GSG1L: variants seen among roughly 807,000 people sequenced by gnomAD.
The protein encoded by GSG1L is germ cell-specific gene 1-like protein.
Under a neutral mutation model 42.1 loss-of-function variants are expected in GSG1L, and 24 were observed. That is an observed-to-expected ratio of 0.57 (90% CI 0.41 to 0.80). GSG1L has a LOEUF of 0.80. Among genes scored for constraint, GSG1L ranks in the 30% least tolerant of loss-of-function variants. GSG1L has a pLI of 0.00. For synonymous variants in GSG1L, 215 were observed against 203.5 expected (o/e 1.06, Z -0.48); for missense variants, 445 against 472.2 (o/e 0.94, Z 0.53).
chr16:27,947,091 T>C (rs1276370579), intron 2 of GSG1L, among the ~76,000 whole-genome samples: 1 of 152,192 alleles, frequency 6.6e-6, no homozygotes, highest in Non-Finnish European at 1.5e-5. Context: ...TGCATCTAAA[T>C]CCAAGCCCTG....
intron 1 of GSG1L, 118 bp downstream of exon 1, chr16:28,062,958 G>A: frequency 1.7e-6 from 2 of 1,187,624 alleles, no homozygotes; most frequent in South Asian, 3.9e-5. Context: ...CAGGCGGAGC[G>A]CTGGGAGCTG....
intron 6 of GSG1L, among the ~76,000 whole-genome samples, chr16:27,792,727 G>A (rs537770764): frequency 6.6e-6 from 1 of 152,190 alleles, no homozygotes; most frequent in Non-Finnish European, 1.5e-5. Flanking sequence ...ACTGAGCCCA[G>A]AATGTATGCA....
intron 1 of GSG1L, among the ~76,000 whole-genome samples, chr16:28,057,005 GAACAGCAAGT>G (rs1421738861): frequency 6.6e-6 from 1 of 152,092 alleles, no homozygotes; most frequent in Non-Finnish European, 1.5e-5. Flanking sequence ...TGGAGGCAAG[GAACAGCAAGT>G]ACAAAAGCCT....
chr16:28,006,521 C>A (rs1303025015), intron 1 of GSG1L, among the ~76,000 whole-genome samples: 1 of 151,960 alleles, frequency 6.6e-6, no homozygotes, highest in Non-Finnish European at 1.5e-5. Context: ...GTTGGCCAGG[C>A]TGGTCTTGAA....
intron 2 of GSG1L, among the ~76,000 whole-genome samples, chr16:27,958,609 T>C (rs1596653691): frequency 6.6e-6 from 1 of 152,274 alleles, no homozygotes; most frequent in East Asian, 1.9e-4. Flanking sequence ...ACCATTCATA[T>C]TAAATACCCA....
At chr16:28,053,019 G>C (rs970746929) in intron 1 of GSG1L, among the ~76,000 whole-genome samples, 1 of 152,256 alleles carries the variant, frequency 6.6e-6, no homozygotes, top group Non-Finnish European at 1.5e-5. Context: ...CTGGCAGAGG[G>C]GGGCAGAGAG....
chr16:27,837,056 G>T (rs1434098119), intron 4 of GSG1L, among the ~76,000 whole-genome samples: 3 of 152,174 alleles, frequency 2.0e-5, no homozygotes, highest in Non-Finnish European at 4.4e-5. Flanking sequence ...CACTGGGCGA[G>T]TGTATTAGTC....
intron 5 of GSG1L, 95 bp from the exon 6 acceptor site, chr16:27,807,649 C>G (rs985242221): frequency 1.6e-5 from 16 of 1,010,872 alleles, no homozygotes; most frequent in South Asian, 4.4e-5. Flanking sequence ...AATCTTCCCC[C>G]CTCTGGAGAA....
chr16:28,057,608 C>G (rs1330011213), intron 1 of GSG1L, among the ~76,000 whole-genome samples: 2 of 152,206 alleles, frequency 1.3e-5, no homozygotes, highest in African/African-American at 4.8e-5. Context: ...CAGGGCCAAA[C>G]AAAACAGATA....
At chr16:27,963,473 C>A (rs918821578) in intron 1 of GSG1L, among the ~76,000 whole-genome samples, 5 of 152,134 alleles carry the variant, frequency 3.3e-5, no homozygotes, top group South Asian at 2.1e-4. Flanking sequence ...AGCCTCCCCC[C>A]AGAATCCACG....
intron 1 of GSG1L, among the ~76,000 whole-genome samples, chr16:28,020,300 G>C (rs2085827463): frequency 6.6e-6 from 1 of 152,174 alleles, no homozygotes; most frequent in Admixed American, 6.5e-5. Context: ...TGCTATTCAT[G>C]ATCATTGTTA....
intron 1 of GSG1L, among the ~76,000 whole-genome samples, chr16:28,012,482 T>C (rs1463003370): frequency 2.0e-5 from 3 of 152,118 alleles, no homozygotes; most frequent in Non-Finnish European, 4.4e-5. Context: ...AGAATGTCTA[T>C]TGGGCCAGGC....
intron 3 of GSG1L, among the ~76,000 whole-genome samples, chr16:27,873,542 A>G (rs1371235904): frequency 6.6e-6 from 1 of 152,242 alleles, no homozygotes; most frequent in African/African-American, 2.4e-5. Flanking sequence ...AACAACAAAG[A>G]TCAAACCCCG....
At chr16:27,860,447 T>G (rs886263257) in intron 3 of GSG1L, among the ~76,000 whole-genome samples, 1 of 152,194 alleles carries the variant, frequency 6.6e-6, no homozygotes, top group Non-Finnish European at 1.5e-5. Context: ...GGGCAGTAAC[T>G]AGGGGACAGC....
chr16:27,921,115 C>T (rs2084519342), intron 2 of GSG1L, among the ~76,000 whole-genome samples: 2 of 152,294 alleles, frequency 1.3e-5, no homozygotes, highest in African/African-American at 4.8e-5. Context: ...TTATATCACT[C>T]CCCTGCTCCC....
At chr16:27,826,209 G>A (rs2083206693) in intron 5 of GSG1L, among the ~76,000 whole-genome samples, 1 of 152,176 alleles carries the variant, frequency 6.6e-6, no homozygotes, top group Non-Finnish European at 1.5e-5. Flanking sequence ...GGAGGCTGAT[G>A]TGGCTGGGGA....
intron 3 of GSG1L, among the ~76,000 whole-genome samples, chr16:27,846,729 C>T (rs1169146759): frequency 2.0e-5 from 3 of 151,994 alleles, no homozygotes; most frequent in South Asian, 2.1e-4. Context: ...CCGAGGCATG[C>T]GGATCACGAG....
chr16:27,848,843 G>A (rs1567484734), intron 3 of GSG1L, among the ~76,000 whole-genome samples: 1 of 152,020 alleles, frequency 6.6e-6, no homozygotes, highest in Admixed American at 6.5e-5. Context: ...GACATAGAGA[G>A]AAGCCTGGGC....
chr16:28,061,791 C>G (rs1381755549), intron 1 of GSG1L, among the ~76,000 whole-genome samples: 1 of 152,208 alleles, frequency 6.6e-6, no homozygotes, highest in African/African-American at 2.4e-5. Context: ...ACAAGGTTGT[C>G]CCTCCTCAGT....
Sources: gnomAD v4.1 joint callset for allele counts (sites outside exome capture counted in the v4.1 genomes callset) on GRCh38, gnomAD v4.1.1 for gene constraint, MANE v1.5 for transcripts, NCBI Gene and HGNC (gene_info 2026-07-23, HGNC 2026-07-21) for gene names.